SCFD2: variants seen among roughly 807,000 people sequenced by gnomAD.
The protein encoded by SCFD2 is sec1 family domain-containing protein 2.
A neutral mutation model predicts 58.9 loss-of-function variants in SCFD2; 54 were observed. The observed-to-expected ratio is 0.92, with a 90% confidence interval of 0.74 to 1.15. The LOEUF is 1.15. SCFD2 is among the 50% of genes most tolerant of loss of function. The pLI is 0.00. For missense variants in SCFD2, 805 were observed against 836.6 expected, an observed-to-expected ratio of 0.96 and a Z score of 0.47; for synonymous variants, 321 against 335.9, an observed-to-expected ratio of 0.96 and a Z score of 0.49.
chr4:53,288,017 G>A (rs1731722855), intron 3 of SCFD2, among the ~76,000 whole-genome samples: 3 of 151,980 alleles, frequency 2.0e-5, no homozygotes, highest in Non-Finnish European at 4.4e-5. Context: ...AGGCAGGAGG[G>A]CTGCTTGAGC....
chr4:52,965,829 T>C (rs1164846330), intron 5 of SCFD2, among the ~76,000 whole-genome samples: 2 of 152,222 alleles, frequency 1.3e-5, no homozygotes, highest in African/African-American at 4.8e-5. Context: ...AGGAAGATCA[T>C]GGTTGTGGTC....
rs540796715 is a variant in SCFD2 at position 53,177,883 on chromosome 4, G to A, written c.1312-32301C>T. ...CTGCACCTGGCTCAGAGGGTCCTACGCCCACAGAGTCTCACTCATTTCTAG... is the reference window on the plus strand; with the variant it reads ...CTGCACCTGGCTCAGAGGGTCCTACACCCACAGAGTCTCACTCATTTCTAG... On this transcript the variant is annotated intron_variant, in intron 4 of 8. Transcript: ENST00000401642. Among the ~76,000 whole-genome samples, 143 of 152,068 alleles carry A rather than the reference G, an allele frequency of 9.4e-4. No homozygotes were observed. The Middle Eastern group carries it at 0.02, about 22-fold the overall frequency.
chr4:53,364,857 G>A (rs1388938808), intron 1 of SCFD2, among the ~76,000 whole-genome samples: 3 of 152,294 alleles, frequency 2.0e-5, no homozygotes, highest in African/African-American at 7.2e-5. Context: ...GTTTAACAAG[G>A]CAATGGGCAT....
chr4:53,026,517 C>G (rs1419789368), intron 5 of SCFD2, among the ~76,000 whole-genome samples: 1 of 152,178 alleles, frequency 6.6e-6, no homozygotes, highest in Non-Finnish European at 1.5e-5. Context: ...TTAAATGATG[C>G]ACTAAATGGG....
chr4:53,181,021 C>G (rs1221875700), intron 4 of SCFD2, among the ~76,000 whole-genome samples: 1 of 152,060 alleles, frequency 6.6e-6, no homozygotes, highest in African/African-American at 2.4e-5. Context: ...AATAGCTTAC[C>G]AGCCAAAAAA....
At chr4:53,029,798 A>G (rs1293774859) in intron 5 of SCFD2, among the ~76,000 whole-genome samples, 1 of 152,250 alleles carries the variant, frequency 6.6e-6, no homozygotes, top group East Asian at 1.9e-4. Flanking sequence ...ACCTCAACTA[A>G]CACTTTGTAC....
At chr4:52,998,383 G>C (rs969464599) in intron 5 of SCFD2, among the ~76,000 whole-genome samples, 1 of 152,210 alleles carries the variant, frequency 6.6e-6, no homozygotes, top group Non-Finnish European at 1.5e-5. Context: ...CTTCAAAGAA[G>C]AATGAGTGCT....
intron 3 of SCFD2, among the ~76,000 whole-genome samples, chr4:53,294,306 T>A (rs746490816): frequency 6.6e-6 from 1 of 152,204 alleles, no homozygotes. Context: ...CCAGCATCTG[T>A]TGTTTCCTGA....
In SCFD2 at chr4:53,252,824, A is replaced by G. The variant is rs543413907; in HGVS notation, c.1311+21002T>C. ...AGGCATTACCATTCAGGACATAGGC[A>G]TGGGCAAGGACTTCATGTCTAAAAC... On this transcript the variant is annotated intron_variant, in intron 4 of 8. Transcript: ENST00000401642. Among the ~76,000 whole-genome samples, 4 of 152,288 alleles carry G rather than the reference A, an allele frequency of 2.6e-5. No individual in the cohort carries two copies. The South Asian group carries it at 6.2e-4, about 24-fold the overall frequency.
At position 53,352,541 on chromosome 4, in the gene SCFD2, G is replaced by A. The variant is rs558981444; in HGVS notation, c.1007+57C>T. ...TTTCCTATGGGAATACTCAGTCTAG[G>A]AGAAAAAGAAAGGGGAAGACAGAGA... On this transcript the variant is annotated intron_variant, in intron 2 of 8. Transcript: ENST00000401642. 64 of 1,421,342 alleles carry A rather than the reference G, an allele frequency of 4.5e-5. No individual in the cohort carries two copies. The East Asian group carries it at 1.3e-3, about 29-fold the overall frequency. 88.0% of individuals were successfully genotyped at this position (1,421,342 alleles called of 1,614,324 possible).
intron 5 of SCFD2, 46 bp downstream of exon 5, chr4:53,145,287 C>T (rs770719114): frequency 1.3e-6 from 2 of 1,595,974 alleles, no homozygotes; most frequent in African/African-American, 1.3e-5. Flanking sequence ...AAACCTGTTT[C>T]GTGTATCAGT....
At chr4:53,216,637 G>A (rs529162495) in intron 4 of SCFD2, among the ~76,000 whole-genome samples, 6 of 151,706 alleles carry the variant, frequency 4.0e-5, no homozygotes, top group Admixed American at 6.6e-5. Context: ...TTTTTGTGTC[G>A]GTATCTACTT....
At chr4:52,908,464 G>A (rs1277515641) in intron 6 of SCFD2, among the ~76,000 whole-genome samples, 1 of 152,170 alleles carries the variant, frequency 6.6e-6, no homozygotes, top group Non-Finnish European at 1.5e-5. Flanking sequence ...GGCAAAGGAG[G>A]AAGGAATATC....
intron 2 of SCFD2, among the ~76,000 whole-genome samples, chr4:53,333,595 T>G (rs1431022687): frequency 1.1e-4 from 16 of 151,054 alleles, no homozygotes; most frequent in Admixed American, 7.9e-4. Flanking sequence ...ATACAAAAAT[T>G]AATTCAAGAT....
At chr4:53,004,163 G>A (rs1721921853) in intron 5 of SCFD2, among the ~76,000 whole-genome samples, 2 of 152,294 alleles carry the variant, frequency 1.3e-5, no homozygotes, top group South Asian at 4.1e-4. Flanking sequence ...ATAAGAACAT[G>A]CACACGATAT....
chr4:52,947,968 C>CA (rs34494471), intron 5 of SCFD2, among the ~76,000 whole-genome samples: 1,425 of 35,156 alleles, frequency 0.041, 39 homozygotes, highest in Non-Finnish European at 0.062. Context: ...AAAAATAGGC[C>CA]AAAAAAAAAA....
chr4:53,114,345 GAA>G (rs1335549381), intron 5 of SCFD2, among the ~76,000 whole-genome samples: 1 of 152,070 alleles, frequency 6.6e-6, no homozygotes, highest in African/African-American at 2.4e-5. Context: ...CTGGTAAGTT[GAA>G]GTTACCATAC....
In SCFD2 at chr4:53,007,917, C is replaced by T. The variant is rs1436635284; in HGVS notation, c.1562-87047G>A. Among the ~76,000 whole-genome samples, 3 of 152,134 alleles carry T rather than the reference C, an allele frequency of 2.0e-5. No homozygotes were observed. The East Asian group carries it at 5.8e-4, about 29-fold the overall frequency. On this transcript the variant is annotated intron_variant, in intron 5 of 8. Transcript: ENST00000401642. ...ATCTCAAGAAGAGCTTCATGCTGAA[C>T]AGAGAGGCTTCCTTAAGAAGATGAA...
chr4:52,992,600 G>A (rs1302056747), intron 5 of SCFD2, among the ~76,000 whole-genome samples: 3 of 151,648 alleles, frequency 2.0e-5, no homozygotes, highest in East Asian at 1.9e-4. Flanking sequence ...CTGCCCGGCC[G>A]CCCATCGTCT....
Sources: gnomAD v4.1 joint callset for allele counts (sites outside exome capture counted in the v4.1 genomes callset) on GRCh38, gnomAD v4.1.1 for gene constraint, MANE v1.5 for transcripts, NCBI Gene and HGNC (gene_info 2026-07-23, HGNC 2026-07-21) for gene names.